Variants in STXBP4 observed in about 807,000 individuals in gnomAD.
STXBP4 encodes syntaxin-binding protein 4.
In STXBP4, 55 loss-of-function variants were observed where a neutral mutation model predicts 76.1. The ratio of observed to expected loss-of-function variants is 0.72; its 90% CI spans 0.58 to 0.91. The LOEUF is 0.91. Ranked by LOEUF, STXBP4 falls within the 40% of genes least tolerant of loss-of-function variation. The pLI, the probability that STXBP4 is intolerant of heterozygous loss-of-function variation, is 0.00. For synonymous variants in STXBP4, 201 were observed against 220.2 expected (o/e 0.91, Z 0.77); for missense variants, 618 against 636.9 (o/e 0.97, Z 0.32).
intron 1 of STXBP4, among the ~76,000 whole-genome samples, chr17:54,974,757 T>C (rs1405001289): frequency 6.6e-5 from 10 of 152,338 alleles, no homozygotes; most frequent in Middle Eastern, 3.4e-3. Flanking sequence ...CATTGTACAG[T>C]AAGCAGCAGA....
chr17:55,022,224 T>G (rs1446003261), intron 8 of STXBP4, among the ~76,000 whole-genome samples: 2 of 152,166 alleles, frequency 1.3e-5, no homozygotes, highest in Non-Finnish European at 1.5e-5. Flanking sequence ...TGTTATTCAC[T>G]TCTTTCTAGA....
chr17:54,991,068 A>T lies in STXBP4; in HGVS notation c.180+111A>T, dbSNP rs1598166076. 12 of 1,196,544 alleles carry T rather than the reference A, an allele frequency of 1.0e-5. No homozygotes were observed. In the East Asian group the frequency reaches 3.4e-4, roughly 34 times the overall value. The allele number at this position is 1,196,544 out of a possible 1,614,324, so 74.1% of individuals were successfully genotyped here. A position where few individuals can be genotyped will look rare whatever the true frequency, so the allele number is the denominator to read the frequency against. On this transcript the variant is annotated intron_variant, in intron 4 of 17. Coordinates refer to ENST00000376352, the MANE Select transcript of STXBP4 (RefSeq NM_178509.6). ...TTTATATCCACTGTGACCATACCTC[A>T]GTGAAAAATACAAAGGAATTAGAAG...
chr17:55,159,815 A>G lies in STXBP4; in HGVS notation c.1566A>G (p.Thr522=), dbSNP rs1322755726. 6.2e-7 allele frequency: 1 copy of G among 1,612,598 alleles called. No homozygotes were observed. Residue 522 remains threonine (T), a synonymous_variant, in exon 18 of 18, where the codon ACA becomes ACG. Transcript: ENST00000376352. ...TCTCAAGTCATGTAACACAGACTAC[A>G]TCCTGGATCCATCCCGTGATGAGTG... ...KYFINHVTQT[T]SWIHPVMSVL...
At chr17:55,001,079 G>C (rs543930940) in intron 7 of STXBP4, among the ~76,000 whole-genome samples, 196 bp downstream of exon 7, 1 of 152,254 alleles carries the variant, frequency 6.6e-6, no homozygotes, top group South Asian at 2.1e-4. Context: ...CCTGAACAAA[G>C]AGTTGAAGTT....
In STXBP4 at chr17:55,078,407, G is replaced by T. The variant is rs374089843; in HGVS notation, c.1305+213G>T. On this transcript the variant is annotated intron_variant, in intron 14 of 17. Coordinates refer to ENST00000376352, the MANE Select transcript of STXBP4 (RefSeq NM_178509.6). ...GAGAAATAATTGAGACAAGGTGATG[G>T]GATTCCAAGTATATACTATTTTAAT... is the stretch of plus-strand genomic sequence containing the variant. 1.6e-3 allele frequency among the ~76,000 whole-genome samples: 239 copies of T among 152,144 alleles called. 7 individuals carry two copies. The South Asian group carries it at 0.045, about 29-fold the overall frequency.
At chr17:55,097,466 A>G (rs949386692) in intron 16 of STXBP4, among the ~76,000 whole-genome samples, 7 of 152,208 alleles carry the variant, frequency 4.6e-5, no homozygotes, top group Admixed American at 6.5e-5. Flanking sequence ...GATCGAGACC[A>G]TCCTGGCTAA....
chr17:55,130,167 AATAAATTGTTC>A (rs2079958998), intron 16 of STXBP4, among the ~76,000 whole-genome samples: 1 of 152,178 alleles, frequency 6.6e-6, no homozygotes. Context: ...TTAATTTGAA[AATAAATTGTTC>A]CCCAGATACT....
At chr17:55,207,513 C>T in the STXBP4 span, among the ~76,000 whole-genome samples, 1 of 152,182 alleles carries the variant, frequency 6.6e-6, no homozygotes, top group Non-Finnish European at 1.5e-5. Flanking sequence ...GAGAGAAAAG[C>T]TAACGACCTC....
chr17:55,134,548 G>T (rs1304094714), intron 16 of STXBP4, among the ~76,000 whole-genome samples: 1 of 152,104 alleles, frequency 6.6e-6, no homozygotes, highest in Non-Finnish European at 1.5e-5. Context: ...GATGTATGGG[G>T]TGGGGAGCCC....
chr17:55,154,014 G>T (rs1017463143), intron 17 of STXBP4, among the ~76,000 whole-genome samples: 11 of 152,138 alleles, frequency 7.2e-5, no homozygotes, highest in Non-Finnish European at 1.5e-4. Flanking sequence ...GATCTAGAGT[G>T]ACGCTATCTG....
At chr17:55,106,901 C>A (rs1364450415) in intron 16 of STXBP4, among the ~76,000 whole-genome samples, 2 of 151,926 alleles carry the variant, frequency 1.3e-5, no homozygotes, top group Admixed American at 1.3e-4. Flanking sequence ...GTGAATCTGA[C>A]AATTATGTGT....
chr17:54,993,605 A>G (rs950022796), intron 4 of STXBP4, among the ~76,000 whole-genome samples: 2 of 152,240 alleles, frequency 1.3e-5, no homozygotes, highest in African/African-American at 4.8e-5. Context: ...TTTTACAACA[A>G]TGTATTAATA....
At chr17:55,140,983 T>A (rs1413774878) in intron 16 of STXBP4, among the ~76,000 whole-genome samples, 3 of 152,198 alleles carry the variant, frequency 2.0e-5, no homozygotes, top group Non-Finnish European at 4.4e-5. Flanking sequence ...TTGTCCATCC[T>A]TCTGCCTTCA....
At chr17:55,180,540 A>G in the STXBP4 span, among the ~76,000 whole-genome samples, 401 of 115,006 alleles carry the variant, frequency 3.5e-3, no homozygotes, top group Non-Finnish European at 6.1e-3. Flanking sequence ...GAATCCCCAG[A>G]AAATAATTGC....
intron 16 of STXBP4, among the ~76,000 whole-genome samples, chr17:55,106,153 A>G (rs567580867): frequency 6.6e-6 from 1 of 152,270 alleles, no homozygotes; most frequent in East Asian, 1.9e-4. Flanking sequence ...TATTGGGTGC[A>G]TATATATTTA....
intron 12 of STXBP4, among the ~76,000 whole-genome samples, chr17:55,061,847 CT>C (rs1479356488): frequency 1.3e-5 from 2 of 152,112 alleles, no homozygotes; most frequent in Non-Finnish European, 1.5e-5. Flanking sequence ...GCATTTAAAA[CT>C]GGTTAAATCT....
chr17:55,069,022 T>C (rs2079088243), intron 12 of STXBP4, among the ~76,000 whole-genome samples: 1 of 152,090 alleles, frequency 6.6e-6, no homozygotes, highest in African/African-American at 2.4e-5. Flanking sequence ...ACAAAGATTT[T>C]CATTAGTTCA....
intron 16 of STXBP4, among the ~76,000 whole-genome samples, chr17:55,084,289 G>T (rs2079295039): frequency 6.6e-6 from 1 of 152,212 alleles, no homozygotes; most frequent in Admixed American, 6.5e-5. Context: ...CTTTAGAGAA[G>T]TGTCTGTTCA....
At chr17:55,185,275 CCTTCTCCTTCTCCTT>C in the STXBP4 span, among the ~76,000 whole-genome samples, 2 of 48,642 alleles carry the variant, frequency 4.1e-5, no homozygotes, top group Admixed American at 3.5e-4. Flanking sequence ...TTCTCCTTCT[CCTTCTCCTTCTCCTT>C]CTCCTTCTCC....
Sources: allele counts gnomAD v4.1 joint callset (sites outside exome capture counted in the v4.1 genomes callset), GRCh38; gene constraint gnomAD v4.1.1; transcripts MANE v1.5; gene names NCBI Gene and HGNC (gene_info 2026-07-23, HGNC 2026-07-21).